INPP4B: variants seen among roughly 807,000 people sequenced by gnomAD.
INPP4B encodes inositol polyphosphate 4-phosphatase type II.
Under a neutral mutation model 122.5 loss-of-function variants are expected in INPP4B, and 55 were observed. The ratio of observed to expected loss-of-function variants is 0.45; its 90% CI spans 0.36 to 0.56. The LOEUF is 0.56. INPP4B is among the 20% of genes least tolerant of loss of function. The pLI is 0.00. For missense variants in INPP4B, 1,000 were observed against 1,097.7 expected, an observed-to-expected ratio of 0.91 and a Z score of 1.26; for synonymous variants, 403 against 388.7, an observed-to-expected ratio of 1.04 and a Z score of -0.43.
At chr4:142,719,576 G>A (rs575983252) in intron 2 of INPP4B, among the ~76,000 whole-genome samples, 14 of 151,774 alleles carry the variant, frequency 9.2e-5, no homozygotes, top group African/African-American at 3.1e-4. Context: ...TGCACGCCTC[G>A]GCCTCCCAAA....
intron 2 of INPP4B, among the ~76,000 whole-genome samples, chr4:142,659,822 G>A (rs1754834879): frequency 6.6e-6 from 1 of 152,092 alleles, no homozygotes; most frequent in African/African-American, 2.4e-5. Flanking sequence ...TGTTGGAGGA[G>A]GACTCAATTC....
chr4:142,445,057 T>C (rs1812609659), intron 3 of INPP4B, among the ~76,000 whole-genome samples: 1 of 152,030 alleles, frequency 6.6e-6, no homozygotes, highest in Non-Finnish European at 1.5e-5. Flanking sequence ...GACAAATAGC[T>C]AATGCATATG....
At chr4:142,035,710 C>CCAAAT (rs1232230841) in intron 25 of INPP4B, among the ~76,000 whole-genome samples, 2 of 152,228 alleles carry the variant, frequency 1.3e-5, no homozygotes, top group East Asian at 3.9e-4. Flanking sequence ...TTGAATTATA[C>CCAAAT]CAAATCAATC....
intron 2 of INPP4B, among the ~76,000 whole-genome samples, chr4:142,491,771 C>A (rs1485253807): frequency 6.6e-6 from 1 of 152,158 alleles, no homozygotes. Flanking sequence ...TAGGGCAATG[C>A]AAGTTAACAA....
At chr4:142,453,425 A>T (rs1471832780) in intron 3 of INPP4B, among the ~76,000 whole-genome samples, 1 of 152,202 alleles carries the variant, frequency 6.6e-6, no homozygotes, top group Non-Finnish European at 1.5e-5. Flanking sequence ...TAAATTGTCT[A>T]TAGTTTCTGA....
Position 142,408,194 on chromosome 4 carries a change from T to C in INPP4B, c.137-2870A>G, listed in dbSNP as rs75169213. 2.5e-4 allele frequency among the ~76,000 whole-genome samples: 38 copies of C among 152,024 alleles called. No individual in the cohort carries two copies. In the East Asian group the frequency reaches 7.4e-3, roughly 29 times the overall value. Reference sequence around the variant, plus strand: ...GAAGATATTACTCATATGATCACTATAAAATCTAATCCGTATGAGAATTAT... The same window carrying C: ...GAAGATATTACTCATATGATCACTACAAAATCTAATCCGTATGAGAATTAT... On this transcript the variant is annotated intron_variant, in intron 5 of 25. Transcript: ENST00000262992.
At chr4:142,424,455 G>A (rs1027007214) in intron 5 of INPP4B, among the ~76,000 whole-genome samples, 1 of 151,894 alleles carries the variant, frequency 6.6e-6, no homozygotes, top group African/African-American at 2.4e-5. Flanking sequence ...CATAACAAAG[G>A]AAATGAAAAT....
intron 1 of INPP4B, among the ~76,000 whole-genome samples, chr4:142,775,485 GTTCCC>G (rs76024571): frequency 2.2e-5 from 3 of 136,166 alleles, no homozygotes; most frequent in South Asian, 2.6e-4. Context: ...TGCATATTTT[GTTCCC>G]TTCCCTTCCC....
At chr4:142,070,790 G>A (rs896624634) in intron 25 of INPP4B, among the ~76,000 whole-genome samples, 2 of 152,076 alleles carry the variant, frequency 1.3e-5, no homozygotes, top group African/African-American at 4.8e-5. Flanking sequence ...GGGATGTGAA[G>A]GACCTTTTAT....
At chr4:142,555,087 A>G (rs995453665) in intron 2 of INPP4B, among the ~76,000 whole-genome samples, 3 of 152,166 alleles carry the variant, frequency 2.0e-5, no homozygotes, top group Admixed American at 6.5e-5. Flanking sequence ...AACACATCCA[A>G]TTGGAGAAAG....
At chr4:142,802,863 G>A (rs987851342) in intron 1 of INPP4B, among the ~76,000 whole-genome samples, 3 of 151,516 alleles carry the variant, frequency 2.0e-5, no homozygotes, top group African/African-American at 4.8e-5. Flanking sequence ...GCGGTATCTG[G>A]TAGGATGTAA....
intron 12 of INPP4B, among the ~76,000 whole-genome samples, chr4:142,220,960 A>G (rs998274677): frequency 1.3e-5 from 2 of 152,032 alleles, no homozygotes; most frequent in African/African-American, 2.4e-5. Context: ...TCACCTCTTT[A>G]AAGACCCTGT....
intron 12 of INPP4B, among the ~76,000 whole-genome samples, chr4:142,214,299 A>G (rs1846121827): frequency 6.6e-6 from 1 of 152,078 alleles, no homozygotes; most frequent in African/African-American, 2.4e-5. Flanking sequence ...GCTTTTCCTA[A>G]AGATTCCACA....
At chr4:142,682,145 A>G (rs1458541720) in intron 2 of INPP4B, among the ~76,000 whole-genome samples, 1 of 151,916 alleles carries the variant, frequency 6.6e-6, no homozygotes, top group Admixed American at 6.6e-5. Context: ...ATGTGGAAAA[A>G]TGATTTTACA....
intron 2 of INPP4B, among the ~76,000 whole-genome samples, chr4:142,522,751 T>A (rs1826267255): frequency 6.6e-6 from 1 of 152,092 alleles, no homozygotes; most frequent in Non-Finnish European, 1.5e-5. Context: ...AGACTGACCT[T>A]CATTTATATC....
chr4:142,417,580 G>A (rs1806034580), intron 5 of INPP4B, among the ~76,000 whole-genome samples: 1 of 152,040 alleles, frequency 6.6e-6, no homozygotes, highest in Admixed American at 6.6e-5. Context: ...TGCAAAATAG[G>A]AATTATTATC....
At chr4:142,297,941 T>G (rs1296293244) in intron 9 of INPP4B, among the ~76,000 whole-genome samples, 1 of 152,178 alleles carries the variant, frequency 6.6e-6, no homozygotes, top group Non-Finnish European at 1.5e-5. Context: ...ATTTATTAAT[T>G]GCCCAGAACC....
chr4:142,521,526 T>A (rs985897775), intron 2 of INPP4B, among the ~76,000 whole-genome samples: 1 of 152,024 alleles, frequency 6.6e-6, no homozygotes, highest in Non-Finnish European at 1.5e-5. Flanking sequence ...CACATTAATC[T>A]AACAGGCATT....
intron 2 of INPP4B, among the ~76,000 whole-genome samples, chr4:142,716,827 C>A (rs539430335): frequency 6.6e-6 from 1 of 152,322 alleles, no homozygotes; most frequent in African/African-American, 2.4e-5. Context: ...CAGTAGCATG[C>A]AGTAATTTGT....
Sources: allele counts gnomAD v4.1 joint callset (sites outside exome capture counted in the v4.1 genomes callset), GRCh38; gene constraint gnomAD v4.1.1; transcripts MANE v1.5; gene names NCBI Gene and HGNC (gene_info 2026-07-23, HGNC 2026-07-21).